NRCAM: variants seen among roughly 807,000 people sequenced by gnomAD.
The protein encoded by NRCAM is neuronal cell adhesion molecule, also known as NgCAM-related cell adhesion molecule.
NRCAM carries 83 observed loss-of-function variants against 156.5 expected under a neutral mutation model. The observed-to-expected ratio is 0.53, with a 90% CI of 0.44 to 0.64. The LOEUF (loss-of-function observed/expected upper bound fraction) is 0.64. Ranked by LOEUF, NRCAM falls within the 30% of genes least tolerant of loss-of-function variation. NRCAM has a pLI of 0.00. For missense variants in NRCAM, 1,417 were observed against 1,597.3 expected (o/e 0.89, Z 1.92); for synonymous variants, 538 against 563.9 (o/e 0.95, Z 0.65).
chr7:108,189,614 G>T, intron 20 of NRCAM, 31 bp downstream of exon 20: 1 of 887,292 alleles, frequency 1.1e-6, no homozygotes, highest in South Asian at 1.4e-5. Flanking sequence ...CCATTTAGTT[G>T]ATCGGAAATA....
chr7:108,450,950 G>C (rs1179352757), intron 1 of NRCAM, among the ~76,000 whole-genome samples: 2 of 152,206 alleles, frequency 1.3e-5, no homozygotes, highest in Non-Finnish European at 2.9e-5. Context: ...TGGGCGTGGT[G>C]ACTCACGCTT....
At chr7:108,286,304 T>C (rs1393961988) in intron 3 of NRCAM, among the ~76,000 whole-genome samples, 1 of 152,102 alleles carries the variant, frequency 6.6e-6, no homozygotes, top group Non-Finnish European at 1.5e-5. Context: ...ATAAGCCTTA[T>C]CTGCTAGCAT....
chr7:108,193,835 T>A (rs1383539554), intron 17 of NRCAM, among the ~76,000 whole-genome samples, 189 bp downstream of exon 17: 1 of 152,218 alleles, frequency 6.6e-6, no homozygotes, highest in Non-Finnish European at 1.5e-5. Context: ...AGGGTCCTAT[T>A]TCAATCACCT....
chr7:108,435,599 G>C (rs1554645805), intron 1 of NRCAM, among the ~76,000 whole-genome samples: 1 of 152,178 alleles, frequency 6.6e-6, no homozygotes, highest in Non-Finnish European at 1.5e-5. Context: ...ACTGGGTCCT[G>C]GCTGAGGGTG....
intron 1 of NRCAM, among the ~76,000 whole-genome samples, chr7:108,455,292 G>A (rs1855583446): frequency 6.6e-6 from 1 of 152,110 alleles, no homozygotes; most frequent in South Asian, 2.1e-4. Flanking sequence ...GCCCACCCGC[G>A]CGGCGTGGAG....
chr7:108,348,998 AT>A (rs1307812310), intron 2 of NRCAM, among the ~76,000 whole-genome samples: 7 of 151,750 alleles, frequency 4.6e-5, no homozygotes, highest in Non-Finnish European at 1.0e-4. Flanking sequence ...GCAAGACAGG[AT>A]TTAGGGAAGT....
chr7:108,192,850 A>C (rs2072859751), intron 17 of NRCAM, among the ~76,000 whole-genome samples: 1 of 152,228 alleles, frequency 6.6e-6, no homozygotes, highest in Admixed American at 6.5e-5. Flanking sequence ...CAATCTCTCT[A>C]AGACTTTTCT....
At chr7:108,327,230 G>T (rs969844203) in intron 2 of NRCAM, among the ~76,000 whole-genome samples, 1 of 152,168 alleles carries the variant, frequency 6.6e-6, no homozygotes, top group Non-Finnish European at 1.5e-5. Context: ...GAGGCATGCT[G>T]CTCAGTCTAG....
chr7:108,290,513 T>A (rs1441224510), intron 3 of NRCAM, among the ~76,000 whole-genome samples: 2 of 152,178 alleles, frequency 1.3e-5, no homozygotes, highest in African/African-American at 4.8e-5. Flanking sequence ...AAAAGTTGAA[T>A]CAGCAACTCT....
intron 2 of NRCAM, among the ~76,000 whole-genome samples, chr7:108,317,383 G>A (rs1009060434): frequency 5.3e-5 from 8 of 152,176 alleles, no homozygotes; most frequent in African/African-American, 1.7e-4. Context: ...GAGCAAAATT[G>A]ATTAGAGGGT....
intron 3 of NRCAM, among the ~76,000 whole-genome samples, chr7:108,265,880 C>T (rs1386022279): frequency 6.6e-6 from 1 of 152,144 alleles, no homozygotes; most frequent in Non-Finnish European, 1.5e-5. Context: ...CAACAAAATA[C>T]ACCATTGATG....
chr7:108,175,388 T>C (rs974587249), intron 27 of NRCAM, 31 bp from the exon 28 acceptor site: 10 of 1,545,492 alleles, frequency 6.5e-6, no homozygotes, highest in African/African-American at 5.5e-5. Context: ...AATAGGACAC[T>C]ATATAGTTAG....
chr7:108,447,934 T>A (rs1017268186), intron 1 of NRCAM, among the ~76,000 whole-genome samples: 1 of 152,224 alleles, frequency 6.6e-6, no homozygotes, highest in African/African-American at 2.4e-5. Flanking sequence ...TTTCCCTTTC[T>A]CTTTCTTTCA....
At chr7:108,252,560 G>A (rs967153070) in intron 3 of NRCAM, among the ~76,000 whole-genome samples, 2 of 152,186 alleles carry the variant, frequency 1.3e-5, no homozygotes, top group African/African-American at 4.8e-5. Context: ...TACCCTTCCA[G>A]AAATAGCTGC....
At position 108,268,645 on chromosome 7, in the gene NRCAM, C is replaced by G. The variant is rs528860126; in HGVS notation, c.-106-28475G>C. Among the ~76,000 whole-genome samples the G allele has an allele frequency of 6.4e-3, 544 of 84,638 alleles. 3 individuals carry two copies. The highest frequency in any genetic ancestry group is 0.02 in the East Asian group (54 of 2,718). The allele number at this position is 84,638 out of a possible 152,430, so 55.5% of individuals were successfully genotyped here. Reference sequence around the variant, plus strand: ...GGGGGTGGGGGGGGGTTGGGGGGGGCGGCGGTGGCGGGAAGAGGACATGCA... The same window carrying G: ...GGGGGTGGGGGGGGGTTGGGGGGGGGGGCGGTGGCGGGAAGAGGACATGCA... On this transcript the variant is annotated intron_variant, in intron 3 of 32. Transcript: ENST00000379028.
chr7:108,296,845 A>C (rs17155387), intron 3 of NRCAM, among the ~76,000 whole-genome samples: 1,680 of 152,302 alleles, frequency 0.011, 31 homozygotes, highest in African/African-American at 0.037. Flanking sequence ...AATAACGAGA[A>C]TCCTTCTCCC....
intron 24 of NRCAM, 42 bp from the exon 25 acceptor site, chr7:108,180,469 A>C (rs1361254513): frequency 1.4e-6 from 2 of 1,475,048 alleles, no homozygotes; most frequent in Non-Finnish European, 1.9e-6. Flanking sequence ...AGAAAGGAGC[A>C]AACAAGATTC....
chr7:108,342,088 G>T (rs1357064472), intron 2 of NRCAM, among the ~76,000 whole-genome samples: 4 of 152,124 alleles, frequency 2.6e-5, no homozygotes, highest in Non-Finnish European at 4.4e-5. Flanking sequence ...AAGGGTTCAG[G>T]GATAGCCCCC....
At chr7:108,369,110 T>C (rs975881482) in intron 2 of NRCAM, among the ~76,000 whole-genome samples, 1 of 152,174 alleles carries the variant, frequency 6.6e-6, no homozygotes, top group African/African-American at 2.4e-5. Context: ...GTGATACAGA[T>C]GATGCATTCA....
Sources: allele counts gnomAD v4.1 joint callset (sites outside exome capture counted in the v4.1 genomes callset), GRCh38; gene constraint gnomAD v4.1.1; transcripts MANE v1.5; gene names NCBI Gene and HGNC (gene_info 2026-07-23, HGNC 2026-07-21).